The following SAMTOR variants were observed in gnomAD, a reference collection of about 807,000 sequenced individuals.
The protein encoded by SAMTOR is S-adenosylmethionine sensor upstream of mTORC1, also known as UPF0532 protein C7orf60.
chr7:112,894,446 A>G, the SAMTOR span, among the ~76,000 whole-genome samples: 3 of 152,182 alleles, frequency 2.0e-5, no homozygotes, highest in Admixed American at 1.3e-4. Flanking sequence ...GTGACAGTGT[A>G]TTAGTGCGTT....
chr7:112,910,431 T>G, the SAMTOR span, among the ~76,000 whole-genome samples: 1 of 152,174 alleles, frequency 6.6e-6, no homozygotes, highest in African/African-American at 2.4e-5. Context: ...TAATACAATT[T>G]TAAAAATAAT....
At chr7:112,851,364 A>G in the SAMTOR span, among the ~76,000 whole-genome samples, 1 of 152,278 alleles carries the variant, frequency 6.6e-6, no homozygotes, top group Middle Eastern at 3.4e-3. Context: ...AGATCAGCGG[A>G]ACAAAGCAGA....
the SAMTOR span, among the ~76,000 whole-genome samples, chr7:112,897,980 A>G: frequency 1.2e-4 from 18 of 152,280 alleles, no homozygotes; most frequent in South Asian, 3.7e-3. Flanking sequence ...CACCCCAGAG[A>G]GATAATCTTT....
the SAMTOR span, among the ~76,000 whole-genome samples, chr7:112,896,634 A>G: frequency 3.9e-5 from 6 of 152,234 alleles, no homozygotes; most frequent in South Asian, 4.1e-4. Flanking sequence ...CATCATGTGT[A>G]GAGGTGCATA....
chr7:112,851,162 A>C, the SAMTOR span, among the ~76,000 whole-genome samples: 3 of 152,056 alleles, frequency 2.0e-5, no homozygotes, highest in African/African-American at 4.8e-5. Context: ...AAGCAATCTC[A>C]ATCACTATTA....
At chr7:112,859,684 C>G in the SAMTOR span, among the ~76,000 whole-genome samples, 1 of 151,652 alleles carries the variant, frequency 6.6e-6, no homozygotes, top group Non-Finnish European at 1.5e-5. Context: ...TGTGTCTTAG[C>G]TTTTACCAAA....
the SAMTOR span, among the ~76,000 whole-genome samples, chr7:112,921,262 G>A: frequency 6.6e-6 from 1 of 152,110 alleles, no homozygotes; most frequent in Non-Finnish European, 1.5e-5. Context: ...TAGATCAATG[G>A]AACAGAACAG....
chr7:112,821,013 A>G, the SAMTOR span: 3 of 152,472 alleles, frequency 2.0e-5, no homozygotes, highest in Non-Finnish European at 2.9e-5. Flanking sequence ...TCAGGTAAAT[A>G]TACTTCACAC....
At chr7:112,897,148 G>C in the SAMTOR span, among the ~76,000 whole-genome samples, 1 of 152,264 alleles carries the variant, frequency 6.6e-6, no homozygotes, top group Admixed American at 6.5e-5. Context: ...GAGCAGTTTA[G>C]AGGTTGCCTG....
the SAMTOR span, among the ~76,000 whole-genome samples, chr7:112,933,645 G>A: frequency 9.2e-5 from 14 of 152,158 alleles, no homozygotes; most frequent in Admixed American, 2.6e-4. Flanking sequence ...ACATCCTTTA[G>A]TAAAGTACCC....
the SAMTOR span, among the ~76,000 whole-genome samples, chr7:112,929,880 A>C: frequency 3.3e-5 from 5 of 152,142 alleles, no homozygotes; most frequent in African/African-American, 1.2e-4. Context: ...CATGAATCAT[A>C]TCTCAATAAA....
the SAMTOR span, among the ~76,000 whole-genome samples, chr7:112,894,071 T>C: frequency 6.6e-6 from 1 of 152,012 alleles, no homozygotes; most frequent in Admixed American, 6.6e-5. Context: ...AGTGCCTCTT[T>C]TTACTTGTAT....
At chr7:112,882,609 A>G in the SAMTOR span, among the ~76,000 whole-genome samples, 1 of 152,044 alleles carries the variant, frequency 6.6e-6, no homozygotes, top group African/African-American at 2.4e-5. Context: ...GAATAGCCTG[A>G]ATCAGGGAGT....
the SAMTOR span, among the ~76,000 whole-genome samples, chr7:112,926,007 G>GC: frequency 6.6e-6 from 1 of 152,080 alleles, no homozygotes; most frequent in African/African-American, 2.4e-5. Flanking sequence ...AGAATGGGAG[G>GC]CCACGGCATT....
the SAMTOR span, among the ~76,000 whole-genome samples, chr7:112,885,600 C>T: frequency 7.2e-5 from 11 of 152,306 alleles, no homozygotes; most frequent in East Asian, 1.2e-3. Flanking sequence ...GAGGCCACCT[C>T]AGCCTCAGCC....
the SAMTOR span, among the ~76,000 whole-genome samples, chr7:112,864,014 A>G: frequency 6.6e-6 from 1 of 152,258 alleles, no homozygotes; most frequent in African/African-American, 2.4e-5. Context: ...GCCCGTCAAC[A>G]GTAGACTGGA....
the SAMTOR span, chr7:112,939,653 T>C: frequency 6.2e-7 from 1 of 1,613,928 alleles, no homozygotes; most frequent in Non-Finnish European, 8.5e-7. Context: ...GAGCTTCTCC[T>C]GCTCCAGTTT....
chr7:112,858,669 GTA>G, the SAMTOR span, among the ~76,000 whole-genome samples: 1 of 152,154 alleles, frequency 6.6e-6, no homozygotes, highest in African/African-American at 2.4e-5. Context: ...TTGTGAAAGT[GTA>G]TATACTTAAT....
the SAMTOR span, among the ~76,000 whole-genome samples, chr7:112,856,951 A>C: frequency 6.6e-6 from 1 of 152,140 alleles, no homozygotes; most frequent in Admixed American, 6.5e-5. Context: ...TCCCTAAATC[A>C]CATATACACA....
Sources: allele counts gnomAD v4.1 joint callset (sites outside exome capture counted in the v4.1 genomes callset), GRCh38; gene constraint gnomAD v4.1.1; transcripts MANE v1.5; gene names NCBI Gene and HGNC (gene_info 2026-07-23, HGNC 2026-07-21).